SH2D4B: variants seen among roughly 807,000 people sequenced by gnomAD.
SH2D4B encodes the protein SH2 domain-containing protein 4B.
In SH2D4B, 45 loss-of-function variants were observed where a neutral mutation model predicts 61.5. That is an observed-to-expected ratio of 0.73 (90% CI 0.58 to 0.94). The LOEUF (loss-of-function observed/expected upper bound fraction) is 0.94. Among genes scored for constraint, SH2D4B ranks in the 40% least tolerant of loss-of-function variants. The pLI is 0.00. For missense variants in SH2D4B, 572 were observed against 574.2 expected, an observed-to-expected ratio of 1.00 and a Z score of 0.04; for synonymous variants, 224 against 220.4, an observed-to-expected ratio of 1.02 and a Z score of -0.14.
At chr10:80,596,514 A>G (rs899188014) in intron 4 of SH2D4B, among the ~76,000 whole-genome samples, 1 of 152,146 alleles carries the variant, frequency 6.6e-6, no homozygotes, top group African/African-American at 2.4e-5. Context: ...CTCTTGGCCT[A>G]GTGTTCTGGC....
At chr10:80,558,683 C>T (rs1841867900) in intron 1 of SH2D4B, among the ~76,000 whole-genome samples, 2 of 152,004 alleles carry the variant, frequency 1.3e-5, no homozygotes, top group Non-Finnish European at 2.9e-5. Context: ...CAGGGATTTG[C>T]CATGTGGTCA....
chr10:80,595,211 G>C (rs549770263), intron 4 of SH2D4B, among the ~76,000 whole-genome samples: 50 of 152,126 alleles, frequency 3.3e-4, no homozygotes, highest in Non-Finnish European at 6.3e-4. Flanking sequence ...CCAGAACAGA[G>C]ATTATCCTGT....
chr10:80,617,679 C>G (rs1191686223), intron 6 of SH2D4B, among the ~76,000 whole-genome samples: 2 of 152,314 alleles, frequency 1.3e-5, no homozygotes, highest in East Asian at 3.9e-4. Context: ...GCTCATAAGA[C>G]TGAAAAACCC....
intron 1 of SH2D4B, among the ~76,000 whole-genome samples, chr10:80,558,014 G>A (rs1841860024): frequency 6.6e-6 from 1 of 151,676 alleles, no homozygotes; most frequent in Non-Finnish European, 1.5e-5. Flanking sequence ...TACATCACAT[G>A]AATTTTTACA....
chr10:80,632,699 G>C (rs1056301951), intron 6 of SH2D4B, among the ~76,000 whole-genome samples: 2 of 152,088 alleles, frequency 1.3e-5, no homozygotes, highest in African/African-American at 2.4e-5. Context: ...GTGAAGGACA[G>C]TGCCAACTTT....
At chr10:80,600,018 C>T (rs1201787564) in intron 4 of SH2D4B, among the ~76,000 whole-genome samples, 2 of 152,156 alleles carry the variant, frequency 1.3e-5, no homozygotes, top group Non-Finnish European at 2.9e-5. Flanking sequence ...ACAGTAAACA[C>T]GACAATAACA....
At chr10:80,638,998 T>G (rs1840240762) in intron 7 of SH2D4B, among the ~76,000 whole-genome samples, 1 of 152,242 alleles carries the variant, frequency 6.6e-6, no homozygotes, top group East Asian at 1.9e-4. Flanking sequence ...TTTGTTCTCA[T>G]TGGTTTCAAA....
chr10:80,577,783 C>T lies in SH2D4B; in HGVS notation c.495+6205C>T, dbSNP rs558134509. ...TTCACCGTGTTAGCCAGGATGGTCT[C>T]GATCTCCTGACCTCGTGATCTGCCT... On this transcript the variant is annotated intron_variant, in intron 3 of 7. Transcript: ENST00000646907. 9.9e-5 allele frequency among the ~76,000 whole-genome samples: 15 copies of T among 151,010 alleles called. No individual in the cohort carries two copies. In the South Asian group the frequency reaches 3.2e-3, roughly 32 times the overall value.
rs376520321 is a variant in SH2D4B at position 80,614,351 on chromosome 10, A to T, written c.988+4800A>T. Among the ~76,000 whole-genome samples the T allele has an allele frequency of 8.5e-5, 13 of 152,322 alleles. No individual in the cohort carries two copies. The East Asian group carries it at 2.5e-3, about 29-fold the overall frequency. ...GAGTGGGAGGAAGGTGGGTAGTGGC[A>T]GGTGCCACACACTTAACCAGATCTC... On this transcript the variant is annotated intron_variant, in intron 6 of 7. Transcript: ENST00000646907.
At position 80,624,242 on chromosome 10, in the gene SH2D4B, A is replaced by G. The variant is rs143470074; in HGVS notation, c.989-10043A>G. 4.0e-3 allele frequency among the ~76,000 whole-genome samples: 614 copies of G among 151,912 alleles called. 5 individuals carry two copies. Among genetic ancestry groups the G allele is most frequent in the Non-Finnish European group, 7.3e-3 (493 of 67,936 alleles). On this transcript the variant is annotated intron_variant, in intron 6 of 7. Transcript: ENST00000646907. ...TATGCAGGTGCAGGGTAATTGCTAGACTCTCCAACAGAAACTAGGGTATAG... is the reference window on the plus strand; with the variant it reads ...TATGCAGGTGCAGGGTAATTGCTAGGCTCTCCAACAGAAACTAGGGTATAG...
At chr10:80,542,694 C>T (rs1288985757) in intron 1 of SH2D4B, among the ~76,000 whole-genome samples, 1 of 152,072 alleles carries the variant, frequency 6.6e-6, no homozygotes, top group East Asian at 1.9e-4. Flanking sequence ...CTGTGCCTGG[C>T]CCTGTCAGTT....
intron 1 of SH2D4B, among the ~76,000 whole-genome samples, chr10:80,546,509 A>G (rs966021329): frequency 6.0e-5 from 9 of 149,440 alleles, no homozygotes; most frequent in African/African-American, 1.7e-4. Flanking sequence ...GAAAATGTAT[A>G]TTAAATAGCA....
In SH2D4B at chr10:80,554,701, T is replaced by G. The variant is rs555335008; in HGVS notation, c.185-15453T>G. On this transcript the variant is annotated intron_variant, in intron 1 of 7. Transcript: ENST00000646907. ...TCTGCTTTATCTAAAGTCAACTGAT[T>G]GAAAATGCTAATAACATCCATAAAA... Among the ~76,000 whole-genome samples, 6 of 152,220 alleles carry G rather than the reference T, an allele frequency of 3.9e-5. No homozygotes were observed. The East Asian group carries it at 1.2e-3, about 29-fold the overall frequency.
chr10:80,615,522 C>T (rs1051436842), intron 6 of SH2D4B, among the ~76,000 whole-genome samples: 5 of 152,214 alleles, frequency 3.3e-5, no homozygotes, highest in Non-Finnish European at 7.3e-5. Context: ...TTTTAAATCT[C>T]ACCCCTCCTC....
intron 1 of SH2D4B, among the ~76,000 whole-genome samples, chr10:80,554,996 G>A (rs1438581461): frequency 3.1e-5 from 3 of 97,506 alleles, no homozygotes; most frequent in African/African-American, 9.0e-5. Flanking sequence ...GCGACAAGGC[G>A]AGTCTCAAAA....
At chr10:80,542,754 C>T (rs1034526061) in intron 1 of SH2D4B, among the ~76,000 whole-genome samples, 15 of 151,900 alleles carry the variant, frequency 9.9e-5, no homozygotes, top group African/African-American at 2.7e-4. Context: ...CCTCTGTGAC[C>T]GCCTCTCATC....
chr10:80,593,781 G>A (rs1419168760), intron 4 of SH2D4B, among the ~76,000 whole-genome samples: 4 of 152,122 alleles, frequency 2.6e-5, no homozygotes. Context: ...TCTCATCTTA[G>A]AGGTAAATTT....
chr10:80,611,491 A>G (rs1842598930), intron 6 of SH2D4B, among the ~76,000 whole-genome samples: 1 of 152,172 alleles, frequency 6.6e-6, no homozygotes, highest in African/African-American at 2.4e-5. Flanking sequence ...TGACTGAGCC[A>G]TGTGTCCCTG....
At chr10:80,600,520 CATGTGT>C (rs1485319472) in intron 4 of SH2D4B, among the ~76,000 whole-genome samples, 7 of 133,618 alleles carry the variant, frequency 5.2e-5, no homozygotes, top group East Asian at 2.3e-4. Flanking sequence ...TGCAGAGTGG[CATGTGT>C]GTGTGTGTGT....
Sources: allele counts gnomAD v4.1 joint callset (sites outside exome capture counted in the v4.1 genomes callset), GRCh38; gene constraint gnomAD v4.1.1; transcripts MANE v1.5; gene names NCBI Gene and HGNC (gene_info 2026-07-23, HGNC 2026-07-21).